PDE9A: variants seen among roughly 807,000 people sequenced by gnomAD.
PDE9A encodes high affinity cGMP-specific 3',5'-cyclic phosphodiesterase 9A.
Under a neutral mutation model 87.4 loss-of-function variants are expected in PDE9A, and 60 were observed. That is an observed-to-expected ratio of 0.69 (90% CI 0.56 to 0.85). PDE9A has a LOEUF of 0.85. Among genes scored for constraint, PDE9A ranks in the 40% least tolerant of loss-of-function variants. The probability of loss-of-function intolerance (pLI) is 0.00; values close to 1 mark genes in which losing one functional copy is unlikely to be tolerated. For missense variants in PDE9A, 665 were observed against 779.0 expected, an observed-to-expected ratio of 0.85 and a Z score of 1.74; for synonymous variants, 272 against 279.4, an observed-to-expected ratio of 0.97 and a Z score of 0.27.
chr21:42,763,928 AG>A (rs2056088224), intron 14 of PDE9A, among the ~76,000 whole-genome samples: 1 of 152,246 alleles, frequency 6.6e-6, no homozygotes, highest in Admixed American at 6.5e-5. Context: ...CCGAGGAAGC[AG>A]CATGCTCCCT....
intron 8 of PDE9A, among the ~76,000 whole-genome samples, chr21:42,744,603 A>T (rs2053651238): frequency 6.6e-6 from 1 of 152,204 alleles, no homozygotes; most frequent in Non-Finnish European, 1.5e-5. Flanking sequence ...AGCACTGGGG[A>T]CACAGAAGTC....
rs2048605167 is a variant in PDE9A at position 42,704,061 on chromosome 21, G to A, written c.262+5050G>A. ...CAGGCTCCCGCCAGCCCTCACGGCA[G>A]CACGAGGCTGGTACGAGACAGGTGC... On this transcript the variant is annotated intron_variant, in intron 4 of 19. Coordinates refer to ENST00000291539, the MANE Select transcript of PDE9A (RefSeq NM_002606.3). The surrounding 1 kb of genome is among the most constrained non-coding windows in gnomAD (Gnocchi z 5.3). 6.6e-6 allele frequency among the ~76,000 whole-genome samples: 1 copy of A among 152,222 alleles called. No individual in the cohort carries two copies. The highest frequency in any genetic ancestry group is 1.5e-5 in the Non-Finnish European group (1 of 68,046).
chr21:42,716,378 A>G (rs1297944590), intron 4 of PDE9A, among the ~76,000 whole-genome samples: 3 of 151,942 alleles, frequency 2.0e-5, no homozygotes, highest in African/African-American at 4.8e-5. Context: ...CTGCCGCTCC[A>G]CATCCTCCCC....
intron 1 of PDE9A, among the ~76,000 whole-genome samples, chr21:42,682,895 C>A (rs572928451): frequency 2.0e-5 from 3 of 152,206 alleles, no homozygotes; most frequent in African/African-American, 7.2e-5. Context: ...CAGATCCTTC[C>A]GGAACCTTTG....
At chr21:42,726,624 A>ATATATATATTTTTTTTTTTTTTT in intron 4 of PDE9A, among the ~76,000 whole-genome samples, 3 of 19,780 alleles carry the variant, frequency 1.5e-4, no homozygotes, top group Admixed American at 8.2e-4. Flanking sequence ...ATATATATAT[A>ATATATATATTTTTTTTTTTTTTT]TTTTTTTTTT....
intron 1 of PDE9A, among the ~76,000 whole-genome samples, chr21:42,661,520 G>A (rs1018682247): frequency 8.6e-5 from 13 of 151,730 alleles, no homozygotes; most frequent in African/African-American, 2.9e-4. Context: ...TCCTTCACTC[G>A]GATCATGCCC....
At chr21:42,767,218 G>C (rs1056641935) in intron 15 of PDE9A, among the ~76,000 whole-genome samples, 1 of 152,166 alleles carries the variant, frequency 6.6e-6, no homozygotes, top group Non-Finnish European at 1.5e-5. Context: ...TCTGAGGATA[G>C]TGCGGGCCAG....
intron 15 of PDE9A, chr21:42,765,768 T>G: frequency 6.8e-6 from 3 of 441,322 alleles, no homozygotes; most frequent in South Asian, 6.4e-5. Flanking sequence ...AGGCCGTGCA[T>G]CTCGCTCTGC....
intron 18 of PDE9A, 47 bp downstream of exon 18, chr21:42,770,845 C>T (rs371275950): frequency 1.8e-5 from 25 of 1,405,456 alleles, no homozygotes; most frequent in African/African-American, 1.4e-4. Flanking sequence ...CAAGCAGGCA[C>T]GCTGCCCTCC....
intron 1 of PDE9A, among the ~76,000 whole-genome samples, chr21:42,678,209 G>A (rs370109072): frequency 1.3e-5 from 2 of 152,192 alleles, no homozygotes; most frequent in African/African-American, 2.4e-5. Context: ...GGGGTTTGGC[G>A]GGATCTCTGC....
intron 1 of PDE9A, 25 bp from the exon 2 acceptor site, chr21:42,686,167 G>T (rs376022583): frequency 1.2e-6 from 2 of 1,601,708 alleles, no homozygotes; most frequent in Admixed American, 1.7e-5. Context: ...CCTCGCTGCC[G>T]CCTCACCGCG....
chr21:42,770,822 G>T (rs371280401), intron 18 of PDE9A, 24 bp downstream of exon 18: 1 of 1,581,190 alleles, frequency 6.3e-7, no homozygotes. Context: ...AGAAGAGCCT[G>T]CCTTCCTTGC....
intron 1 of PDE9A, among the ~76,000 whole-genome samples, chr21:42,682,602 C>T (rs1208999717): frequency 6.6e-6 from 1 of 152,226 alleles, no homozygotes; most frequent in Non-Finnish European, 1.5e-5. Flanking sequence ...ATTTCACCGG[C>T]AGTACTTATA....
Position 42,743,858 on chromosome 21 carries a change from C to CAGGT in PDE9A, c.653+2_653+5dup. On this transcript the variant is annotated frameshift_variant and splice_region_variant, in exon 8 of 20. Transcript: ENST00000291539. LOFTEE classifies it high-confidence loss of function. ...GGGAGGAGCTGGCGGCCAGAAGCAG[C>CAGGT]AGGTAGGGTCTGCGCTGGGGCCACG... The CAGGT allele has an allele frequency of 6.4e-7, 1 of 1,566,808 alleles. No homozygotes were observed.
chr21:42,715,532 G>A (rs542295133), intron 4 of PDE9A, among the ~76,000 whole-genome samples: 3 of 151,718 alleles, frequency 2.0e-5, no homozygotes, highest in East Asian at 1.9e-4. Context: ...CAGGGGAATC[G>A]CTTGAATCCG....
At position 42,704,014 on chromosome 21, in the gene PDE9A, T is replaced by G. The variant is rs2048598952; in HGVS notation, c.262+5003T>G. Among the ~76,000 whole-genome samples, 1 of 152,158 alleles carries G rather than the reference T, an allele frequency of 6.6e-6. No homozygotes were observed. Among genetic ancestry groups the G allele is most frequent in the South Asian group, 2.1e-4 (1 of 4,824 alleles). On this transcript the variant is annotated intron_variant, in intron 4 of 19. Transcript: ENST00000291539. The surrounding 1 kb of genome is among the most constrained non-coding windows in gnomAD (Gnocchi z 5.3). ...CAGGAGCATTCGGCCCAGGCTGTGA[T>G]CTCGAGAAGGTGGTCAGGGCCCAGG...
chr21:42,726,398 CT>C (rs1277414260), intron 4 of PDE9A, among the ~76,000 whole-genome samples: 1 of 151,500 alleles, frequency 6.6e-6, no homozygotes, highest in African/African-American at 2.4e-5. Flanking sequence ...ACCGAAGACC[CT>C]GAAGATTTCT....
chr21:42,767,133 C>T (rs562240289), intron 15 of PDE9A, among the ~76,000 whole-genome samples: 1 of 151,862 alleles, frequency 6.6e-6, no homozygotes, highest in South Asian at 2.1e-4. Context: ...TTTATGAACA[C>T]GGGTGGAGGA....
Position 42,710,590 on chromosome 21 carries a change from T to C in PDE9A, c.262+11579T>C, listed in dbSNP as rs574003632. ...TAGGTGTAAGAGCAATCCTATCTTC[T>C]TATAGTTTTAATTTGCATTTCCAAG... On this transcript the variant is annotated intron_variant, in intron 4 of 19. Coordinates refer to ENST00000291539, the MANE Select transcript of PDE9A (RefSeq NM_002606.3). 6.1e-4 allele frequency among the ~76,000 whole-genome samples: 93 copies of C among 152,312 alleles called. 1 individual carries two copies. Among genetic ancestry groups the C allele is most frequent in the African/African-American group, 2.1e-3 (89 of 41,570 alleles).
Sources: allele counts gnomAD v4.1 joint callset (sites outside exome capture counted in the v4.1 genomes callset), GRCh38; gene constraint gnomAD v4.1.1; non-coding constraint Gnocchi (gnomAD v3.1); transcripts MANE v1.5; gene names NCBI Gene and HGNC (gene_info 2026-07-23, HGNC 2026-07-21).